Variants in RUNX2 observed in about 807,000 individuals in gnomAD.
RUNX2 encodes RUNX family transcription factor 2.
A neutral mutation model predicts 51.7 loss-of-function variants in RUNX2; 10 were observed. That is an observed-to-expected ratio of 0.19 (90% confidence interval 0.12 to 0.33). The LOEUF (loss-of-function observed/expected upper bound fraction) is 0.33, where lower values mean the gene tolerates loss of function less well. Ranked by LOEUF, RUNX2 falls within the 10% of genes least tolerant of loss-of-function variation. RUNX2 has a pLI of 1.00. For missense variants in RUNX2, 562 were observed against 691.3 expected (o/e 0.81, Z 2.10); for synonymous variants, 276 against 273.6 (o/e 1.01, Z -0.09).
intron 2 of RUNX2, among the ~76,000 whole-genome samples, chr6:45,417,719 G>A (rs969800202): frequency 6.6e-6 from 1 of 152,162 alleles, no homozygotes; most frequent in South Asian, 2.1e-4. Flanking sequence ...TCTGCTTTAG[G>A]TGAAGGCAGC....
intron 2 of RUNX2, among the ~76,000 whole-genome samples, chr6:45,330,349 C>T (rs750531985): frequency 6.6e-6 from 1 of 151,740 alleles, no homozygotes; most frequent in African/African-American, 2.4e-5. Context: ...GTTACTACTA[C>T]CCAAGAGATA....
chr6:45,397,499 G>A (rs1398052991), intron 2 of RUNX2, among the ~76,000 whole-genome samples: 1 of 152,134 alleles, frequency 6.6e-6, no homozygotes, highest in Non-Finnish European at 1.5e-5. Context: ...TAATATTTGA[G>A]AGTTTCTGTG....
chr6:45,461,525 T>C (rs929814281), intron 5 of RUNX2, among the ~76,000 whole-genome samples: 2 of 152,128 alleles, frequency 1.3e-5, no homozygotes, highest in African/African-American at 4.8e-5. Context: ...ATCAACATCA[T>C]GGAGAAGGAA....
At chr6:45,406,881 T>G (rs1234266956) in intron 2 of RUNX2, among the ~76,000 whole-genome samples, 1 of 152,216 alleles carries the variant, frequency 6.6e-6, no homozygotes, top group Non-Finnish European at 1.5e-5. Context: ...TGTCATAGAC[T>G]TTGATATTCA....
At chr6:45,386,067 GC>G in intron 2 of RUNX2, among the ~76,000 whole-genome samples, 2 of 143,252 alleles carry the variant, frequency 1.4e-5, no homozygotes, top group East Asian at 3.9e-4. Flanking sequence ...GCTTATTAGT[GC>G]TTTTTTTTTT....
intron 5 of RUNX2, among the ~76,000 whole-genome samples, chr6:45,482,313 T>A (rs1582158299): frequency 6.6e-6 from 1 of 152,218 alleles, no homozygotes; most frequent in East Asian, 1.9e-4. Context: ...TGTAAGCACG[T>A]GTTTATTATA....
chr6:45,490,826 A>G (rs1469809675), intron 5 of RUNX2, among the ~76,000 whole-genome samples: 1 of 152,156 alleles, frequency 6.6e-6, no homozygotes, highest in Non-Finnish European at 1.5e-5. Flanking sequence ...GTTACTTAAT[A>G]GTCATACTAA....
Position 45,383,352 on chromosome 6 carries a change from G to A in RUNX2, c.59-39241G>A, listed in dbSNP as rs183591301. 1.8e-3 allele frequency among the ~76,000 whole-genome samples: 270 copies of A among 152,140 alleles called. 1 individual carries two copies. The highest frequency in any genetic ancestry group is 7.5e-3 in the Admixed American group (114 of 15,278). On this transcript the variant is annotated intron_variant, in intron 2 of 8. Transcript: ENST00000647337. ...CTTGAGAGGCTGAGGCAGGAGAATC[G>A]CTTGGACCCAGGAGGCAGAGGTTGC...
chr6:45,354,754 C>A (rs776059193), intron 2 of RUNX2, among the ~76,000 whole-genome samples: 1 of 151,924 alleles, frequency 6.6e-6, no homozygotes, highest in Non-Finnish European at 1.5e-5. Context: ...ATTCCCAGTA[C>A]TTTGGGAGGC....
chr6:45,465,869 C>T (rs1287476065), intron 5 of RUNX2, among the ~76,000 whole-genome samples: 1 of 151,192 alleles, frequency 6.6e-6, no homozygotes, highest in Non-Finnish European at 1.5e-5. Context: ...TGGTTTCGAA[C>T]TGCTGGACGC....
At chr6:45,448,650 G>A (rs1022099462) in intron 5 of RUNX2, among the ~76,000 whole-genome samples, 6 of 152,104 alleles carry the variant, frequency 3.9e-5, no homozygotes, top group African/African-American at 7.2e-5. Context: ...CTGCCTTGCC[G>A]TGAACTCTCA....
At chr6:45,338,239 C>G (rs984611963) in intron 2 of RUNX2, among the ~76,000 whole-genome samples, 1 of 151,986 alleles carries the variant, frequency 6.6e-6, no homozygotes, top group Non-Finnish European at 1.5e-5. Flanking sequence ...TATGGTTCAG[C>G]ATTTGCTAAC....
intron 2 of RUNX2, among the ~76,000 whole-genome samples, chr6:45,388,061 G>A (rs990523195): frequency 3.9e-5 from 6 of 152,146 alleles, no homozygotes; most frequent in East Asian, 1.9e-4. Context: ...ACAGGCTTTC[G>A]AGAAGAAGCT....
chr6:45,520,656 C>T lies in RUNX2; in HGVS notation c.1021+8249C>T, dbSNP rs76659053. 1.5e-4 allele frequency among the ~76,000 whole-genome samples: 23 copies of T among 151,838 alleles called. 1 individual carries two copies. The East Asian group carries it at 4.1e-3, about 27-fold the overall frequency. On this transcript the variant is annotated intron_variant, in intron 7 of 8. Coordinates refer to ENST00000647337, the MANE Select transcript of RUNX2 (RefSeq NM_001024630.4). ...AAACACCACTTTCTTCAAAGTGAAT[C>T]GCTGTCTCATCTACACCCATTTGTA...
intron 2 of RUNX2, among the ~76,000 whole-genome samples, chr6:45,331,129 G>GCT (rs747358697): frequency 1.5e-5 from 2 of 136,060 alleles, no homozygotes; most frequent in Admixed American, 6.8e-5. Context: ...GTGTGTGTGC[G>GCT]CGCGCGCGCG....
chr6:45,335,677 G>C (rs956836985), intron 2 of RUNX2, among the ~76,000 whole-genome samples: 2 of 151,158 alleles, frequency 1.3e-5, no homozygotes, highest in African/African-American at 4.8e-5. Context: ...ACCTGTGAAA[G>C]TACATAAGCA....
intron 2 of RUNX2, among the ~76,000 whole-genome samples, chr6:45,358,074 T>C (rs1793561265): frequency 6.7e-6 from 1 of 149,774 alleles, no homozygotes; most frequent in Non-Finnish European, 1.5e-5. Flanking sequence ...TGTGGGACAA[T>C]GACAACTTAA....
intron 7 of RUNX2, among the ~76,000 whole-genome samples, chr6:45,532,537 A>G (rs1029085987): frequency 6.6e-6 from 1 of 152,106 alleles, no homozygotes; most frequent in Admixed American, 6.6e-5. Flanking sequence ...TACTCTTCTC[A>G]TAGGCTACTG....
At chr6:45,332,956 T>C (rs1335261170) in intron 2 of RUNX2, among the ~76,000 whole-genome samples, 1 of 151,634 alleles carries the variant, frequency 6.6e-6, no homozygotes. Context: ...TGAAGATAGA[T>C]AAAATTCTGC....
Sources: gnomAD v4.1 joint callset for allele counts (sites outside exome capture counted in the v4.1 genomes callset) on GRCh38, gnomAD v4.1.1 for gene constraint, MANE v1.5 for transcripts, NCBI Gene and HGNC (gene_info 2026-07-23, HGNC 2026-07-21) for gene names.